The following RAP1GAP2 variants were observed in gnomAD, a reference collection of about 807,000 sequenced individuals.
The protein encoded by RAP1GAP2 is rap1 GTPase-activating protein 2.
In RAP1GAP2, 27 loss-of-function variants were observed where a neutral mutation model predicts 95.0. That is an observed-to-expected ratio of 0.28 (90% CI 0.21 to 0.39). RAP1GAP2 has a LOEUF of 0.39. RAP1GAP2 is among the 10% of genes least tolerant of loss of function. The pLI is 1.00. For missense variants in RAP1GAP2, 771 were observed against 970.0 expected (o/e 0.79, Z 2.72); for synonymous variants, 373 against 380.9 (o/e 0.98, Z 0.24).
intron 3 of RAP1GAP2, 124 bp downstream of exon 3, chr17:2,905,492 C>T: frequency 2.3e-6 from 2 of 878,202 alleles, no homozygotes; most frequent in Non-Finnish European, 3.5e-6. Context: ...TGTCCTGACA[C>T]CTCGGAGGAG....
At chr17:2,982,511 G>A (rs191259760) in intron 10 of RAP1GAP2, among the ~76,000 whole-genome samples, 23 of 152,314 alleles carry the variant, frequency 1.5e-4, no homozygotes, top group Admixed American at 6.5e-4. Flanking sequence ...TGCAGTGGCT[G>A]AGCGAATGGC....
intron 2 of RAP1GAP2, among the ~76,000 whole-genome samples, chr17:2,881,853 C>T (rs1460026105): frequency 6.6e-6 from 1 of 152,172 alleles, no homozygotes; most frequent in Non-Finnish European, 1.5e-5. Flanking sequence ...CGGAGTCTCG[C>T]TATGTCGCCC....
chr17:2,850,300 C>T (rs563952313), intron 2 of RAP1GAP2, among the ~76,000 whole-genome samples: 154 of 151,446 alleles, frequency 1.0e-3, no homozygotes, highest in African/African-American at 3.4e-3. Flanking sequence ...GCGCCTGGCC[C>T]GCCTGCTTTT....
At chr17:2,794,592 T>A (rs925705615), upstream of RAP1GAP2, among the ~76,000 whole-genome samples, 27 of 152,160 alleles carry the variant, frequency 1.8e-4, no homozygotes, top group African/African-American at 4.8e-5. Flanking sequence ...CTAGCTGCCT[T>A]GGAGGTAGAG....
chr17:2,964,021 G>A lies in RAP1GAP2; in HGVS notation c.445G>A (p.Glu149Lys). The change falls in exon 7 of 25, where the codon GAG (glutamate) becomes AAG (lysine). Residue 149 changes from glutamate to lysine, a missense_variant. Coordinates refer to ENST00000254695, the MANE Select transcript of RAP1GAP2 (RefSeq NM_015085.5). ...CCCCAACACATTTGGCTACAAGCTC[G>A]AGTGCAAGGGTGAAGCCAGGGCCTA... ...LSPNTFGYKLECKGEARAYRR... is the reference protein window; with the variant it reads ...LSPNTFGYKLKCKGEARAYRR... 6 of 1,612,224 alleles carry A rather than the reference G, an allele frequency of 3.7e-6. No individual in the cohort carries two copies. The highest frequency in any genetic ancestry group is 1.1e-5 in the South Asian group (1 of 90,986).
At chr17:2,935,898 C>T (rs1009089419) in intron 3 of RAP1GAP2, among the ~76,000 whole-genome samples, 1 of 152,084 alleles carries the variant, frequency 6.6e-6, no homozygotes, top group African/African-American at 2.4e-5. Context: ...GGAAACGCGG[C>T]CGATCTGGCG....
chr17:2,967,268 G>C (rs1488802453), intron 8 of RAP1GAP2, among the ~76,000 whole-genome samples: 1 of 152,110 alleles, frequency 6.6e-6, no homozygotes, highest in Non-Finnish European at 1.5e-5. Flanking sequence ...CTACTCAGGA[G>C]GCTGAGGCAG....
chr17:2,804,818 T>C (rs1323275722), intron 2 of RAP1GAP2, among the ~76,000 whole-genome samples: 1 of 152,184 alleles, frequency 6.6e-6, no homozygotes, highest in Non-Finnish European at 1.5e-5. Context: ...GTGTGTGGGA[T>C]ATAGCCTCAG....
Position 2,906,072 on chromosome 17 carries a change from G to C in RAP1GAP2, c.165+704G>C, listed in dbSNP as rs2042188871. ...TCAGCCAGTGTTTCTGCATAGGCTG[G>C]CATGCACGCTCTCCCTCCCTCCCTC... On this transcript the variant is annotated intron_variant, in intron 3 of 24. Coordinates refer to ENST00000254695, the MANE Select transcript of RAP1GAP2 (RefSeq NM_015085.5). The surrounding 1 kb of genome is among the most constrained non-coding windows in gnomAD (Gnocchi z 4.3). 6.6e-6 allele frequency among the ~76,000 whole-genome samples: 1 copy of C among 152,156 alleles called. No individual in the cohort carries two copies. The highest frequency in any genetic ancestry group is 1.5e-5 in the Non-Finnish European group (1 of 68,018).
chr17:2,805,129 A>G (rs1308383548), intron 2 of RAP1GAP2, among the ~76,000 whole-genome samples: 1 of 152,144 alleles, frequency 6.6e-6, no homozygotes, highest in Non-Finnish European at 1.5e-5. Flanking sequence ...GTATTTGCTG[A>G]ATGAATCAAC....
intron 2 of RAP1GAP2, among the ~76,000 whole-genome samples, chr17:2,874,769 C>G (rs1311714908): frequency 6.6e-6 from 1 of 152,166 alleles, no homozygotes; most frequent in Non-Finnish European, 1.5e-5. Flanking sequence ...TCTCTGCTCT[C>G]CTGTATAGCA....
At chr17:3,019,611 C>T (rs745887215) in intron 18 of RAP1GAP2, among the ~76,000 whole-genome samples, 1 of 152,182 alleles carries the variant, frequency 6.6e-6, no homozygotes, top group Non-Finnish European at 1.5e-5. Flanking sequence ...CACCATGGAA[C>T]TAATTATGAG....
chr17:2,872,472 G>C (rs1422768173), intron 2 of RAP1GAP2, among the ~76,000 whole-genome samples: 1 of 152,046 alleles, frequency 6.6e-6, no homozygotes, highest in African/African-American at 2.4e-5. Flanking sequence ...TCTCAGGAGG[G>C]GGCTTTTGTT....
chr17:2,843,261 A>G (rs1321704515), intron 2 of RAP1GAP2, among the ~76,000 whole-genome samples: 4 of 150,538 alleles, frequency 2.7e-5, no homozygotes, highest in Admixed American at 2.0e-4. Context: ...GGATAGGTCT[A>G]TGGTGGAGAA....
rs2045507420 is a variant in RAP1GAP2 at position 2,985,030 on chromosome 17, A to G, written c.777A>G (p.Thr259=). The G allele has an allele frequency of 6.2e-7, 1 of 1,613,816 alleles. No individual in the cohort carries two copies. The change falls in exon 11 of 25, where the codon ACA becomes ACG. Residue 259 remains threonine (T), a synonymous_variant. Transcript: ENST00000254695. ...ATGATGAGCATGAAGTCAACAACACATTCAAATTCGGAGTCATTTATCAAA... is the reference window on the plus strand; with the variant it reads ...ATGATGAGCATGAAGTCAACAACACGTTCAAATTCGGAGTCATTTATCAAA... The part of the protein sequence containing the change: ...VSYDEHEVNN[T]FKFGVIYQKA...
In RAP1GAP2 at chr17:2,905,380, C is replaced by T. The variant is rs759221868; in HGVS notation, c.165+12C>T. 31 of 1,611,894 alleles carry T rather than the reference C, an allele frequency of 1.9e-5. 2 individuals carry two copies. In the Middle Eastern group the frequency reaches 1.2e-3, roughly 60 times the overall value. On this transcript the variant is annotated intron_variant, in intron 3 of 24. Coordinates refer to ENST00000254695, the MANE Select transcript of RAP1GAP2 (RefSeq NM_015085.5). ...CTCCCACCATGAAGGTAAGAGGCTT[C>T]GATTCAGGAAGGCAGGGAGGGGAGA...
chr17:2,832,340 C>T (rs60196477), intron 2 of RAP1GAP2, among the ~76,000 whole-genome samples: 353 of 150,940 alleles, frequency 2.3e-3, no homozygotes, highest in African/African-American at 7.9e-3. Context: ...GGGTGGATCA[C>T]GAGGTCAGGA....
At chr17:2,809,337 G>A (rs765603800) in intron 2 of RAP1GAP2, among the ~76,000 whole-genome samples, 5 of 152,248 alleles carry the variant, frequency 3.3e-5, no homozygotes, top group Admixed American at 3.3e-4. Context: ...GCCTATTCAC[G>A]GAGCCCGTGA....
At chr17:2,763,840 A>G (rs2068230117) in intron 1 of RAP1GAP2, among the ~76,000 whole-genome samples, 1 of 152,072 alleles carries the variant, frequency 6.6e-6, no homozygotes, top group Admixed American at 6.6e-5. Context: ...GTATTCCACC[A>G]GTGGAAAGGG....
Sources: gnomAD v4.1 joint callset for allele counts (sites outside exome capture counted in the v4.1 genomes callset) on GRCh38, gnomAD v4.1.1 for gene constraint, Gnocchi (gnomAD v3.1) non-coding constraint, MANE v1.5 for transcripts, NCBI Gene and HGNC (gene_info 2026-07-23, HGNC 2026-07-21) for gene names.